Variants in PIEZO2 observed in about 807,000 individuals in gnomAD.
PIEZO2 encodes piezo type mechanosensitive ion channel component 2.
A neutral mutation model predicts 337.3 loss-of-function variants in PIEZO2; 172 were observed. The ratio of observed to expected loss-of-function variants is 0.51; its 90% confidence interval spans 0.45 to 0.58. The LOEUF (loss-of-function observed/expected upper bound fraction) is 0.58. PIEZO2 is among the 20% of genes least tolerant of loss of function. The probability of loss-of-function intolerance (pLI) is 0.00; values close to 1 mark genes in which losing one functional copy is unlikely to be tolerated. For synonymous variants in PIEZO2, 1,251 were observed against 1,228.5 expected (o/e 1.02, Z -0.38); for missense variants, 3,028 against 3,391.3 (o/e 0.89, Z 2.66).
intron 37 of PIEZO2, among the ~76,000 whole-genome samples, chr18:10,717,751 T>C (rs1448155855): frequency 1.3e-5 from 2 of 152,174 alleles, no homozygotes; most frequent in Non-Finnish European, 2.9e-5. Context: ...CTGAGCTTGG[T>C]TTTCCCCTCC....
At chr18:10,951,037 C>A (rs989795670) in intron 3 of PIEZO2, among the ~76,000 whole-genome samples, 1 of 152,140 alleles carries the variant, frequency 6.6e-6, no homozygotes, top group East Asian at 1.9e-4. Context: ...ACTCAGGGCA[C>A]ACAACATTGC....
Position 10,676,820 on chromosome 18 carries a change from G to A in PIEZO2, c.8081+927C>T, listed in dbSNP as rs2034027298. On this transcript the variant is annotated intron_variant, in intron 53 of 55. Coordinates refer to ENST00000674853, the MANE Select transcript of PIEZO2 (RefSeq NM_001378183.1). This position sits in a 1 kb window ranked among gnomAD's most constrained non-coding sequence, Gnocchi z 5.1. ...TGAAGTGGGTACCCACGATCGGGTGGCAGACATGAATGACAAGAGGCCTGA... is the reference window on the plus strand; with the variant it reads ...TGAAGTGGGTACCCACGATCGGGTGACAGACATGAATGACAAGAGGCCTGA... Among the ~76,000 whole-genome samples, 1 of 152,230 alleles carries A rather than the reference G, an allele frequency of 6.6e-6. No homozygotes were observed. The highest frequency in any genetic ancestry group is 2.4e-5 in the African/African-American group (1 of 41,460).
intron 2 of PIEZO2, among the ~76,000 whole-genome samples, chr18:11,007,866 G>C (rs1378146647): frequency 1.3e-5 from 2 of 152,136 alleles, no homozygotes; most frequent in African/African-American, 4.8e-5. Flanking sequence ...AATGCTAAAA[G>C]TTCTTCAGGA....
intron 1 of PIEZO2, among the ~76,000 whole-genome samples, chr18:11,139,717 A>C (rs1456081474): frequency 6.6e-6 from 1 of 152,214 alleles, no homozygotes; most frequent in African/African-American, 2.4e-5. Context: ...TAAAAATGTA[A>C]TCAGCAGTGT....
chr18:10,687,061 C>T (rs2034575992), intron 49 of PIEZO2, among the ~76,000 whole-genome samples: 1 of 152,160 alleles, frequency 6.6e-6, no homozygotes, highest in African/African-American at 2.4e-5. Flanking sequence ...CAAAGTATCA[C>T]GTGCCCCTCT....
chr18:11,041,635 A>AT (rs1598870419), intron 2 of PIEZO2, among the ~76,000 whole-genome samples: 1 of 152,126 alleles, frequency 6.6e-6, no homozygotes, highest in African/African-American at 2.4e-5. Context: ...TTTACACTAC[A>AT]TTTTTTCATC....
chr18:10,829,178 C>T (rs74746902), intron 7 of PIEZO2, among the ~76,000 whole-genome samples: 3 of 151,982 alleles, frequency 2.0e-5, no homozygotes, highest in African/African-American at 7.3e-5. Flanking sequence ...TGCTTATTTG[C>T]ATCACACAGA....
At position 10,736,390 on chromosome 18, in the gene PIEZO2, G is replaced by C. The variant is rs11080452; in HGVS notation, c.4815+214C>G. ...TCAGTGCCAGTGAATGAAAACCTGG[G>C]CTGTACATGGTTCTTGCTTGATACT... On this transcript the variant is annotated intron_variant, in intron 34 of 55. Coordinates refer to ENST00000674853, the MANE Select transcript of PIEZO2 (RefSeq NM_001378183.1). Among the ~76,000 whole-genome samples, 77,901 of 151,972 alleles carry C rather than the reference G, an allele frequency of 0.51. 19,977 individuals carry two copies. The highest frequency in any genetic ancestry group is 0.52 in the Non-Finnish European group (35,186 of 67,984).
Position 10,764,502 on chromosome 18 carries a change from G to A in PIEZO2, c.2947-1404C>T, listed in dbSNP as rs1006278157. 2.6e-5 allele frequency among the ~76,000 whole-genome samples: 4 copies of A among 151,746 alleles called. No homozygotes were observed. The East Asian group carries it at 5.8e-4, about 22-fold the overall frequency. Reference sequence around the variant, plus strand: ...TAAAAATACAAAAAATTAGCCGGGCGTGGTGGCAGGCTCCTGTAATCCCAG... The same window carrying A: ...TAAAAATACAAAAAATTAGCCGGGCATGGTGGCAGGCTCCTGTAATCCCAG... On this transcript the variant is annotated intron_variant, in intron 21 of 55. Transcript: ENST00000674853.
At position 11,128,249 on chromosome 18, in the gene PIEZO2, C is replaced by T. The variant is rs1296809682; in HGVS notation, c.64+20276G>A. 6.6e-6 allele frequency among the ~76,000 whole-genome samples: 1 copy of T among 152,150 alleles called. No homozygotes were observed. Among genetic ancestry groups the T allele is most frequent in the Non-Finnish European group, 1.5e-5 (1 of 68,034 alleles). On this transcript the variant is annotated intron_variant, in intron 1 of 55. Transcript: ENST00000674853. This position sits in a 1 kb window ranked among gnomAD's most constrained non-coding sequence, Gnocchi z 4.1. ...TGTCTCCAGGCTTCAGAAGCACATA[C>T]TGAGCCTCAAATCTGCTAAGATTGC...
chr18:10,884,026 T>C, intron 4 of PIEZO2, among the ~76,000 whole-genome samples: 1 of 152,110 alleles, frequency 6.6e-6, no homozygotes, highest in Non-Finnish European at 1.5e-5. Flanking sequence ...TTAGCCAGGA[T>C]GGTCTTGATC....
Position 11,077,082 on chromosome 18 carries a change from CA to C in PIEZO2, c.65-10861del, listed in dbSNP as rs1284218601. 6.6e-6 allele frequency among the ~76,000 whole-genome samples: 1 copy of C among 152,162 alleles called. No homozygotes were observed. Among genetic ancestry groups the C allele is most frequent in the African/African-American group, 2.4e-5 (1 of 41,428 alleles). On this transcript the variant is annotated intron_variant, in intron 1 of 55. Transcript: ENST00000674853. The surrounding 1 kb of genome is among the most constrained non-coding windows in gnomAD (Gnocchi z 4.8). ...GCTCATACATAATTTCTTAAACTAT[CA>C]GACAAATTATACTTGAAATTAGACC...
In PIEZO2 at chr18:11,069,651, A is replaced by G. The variant is rs1199911132; in HGVS notation, c.65-3429T>C. Among the ~76,000 whole-genome samples the G allele has an allele frequency of 6.6e-6, 1 of 152,222 alleles. No homozygotes were observed. The highest frequency in any genetic ancestry group is 1.5e-5 in the Non-Finnish European group (1 of 68,032). On this transcript the variant is annotated intron_variant, in intron 1 of 55. Transcript: ENST00000674853. This position sits in a 1 kb window ranked among gnomAD's most constrained non-coding sequence, Gnocchi z 4.9. The stretch of plus-strand genomic sequence containing the variant: ...TGCCTACTCTTGACACTTCCATTCA[A>G]TGTGGTACGGGAAGTCCTAGGCAGA...
Position 11,099,470 on chromosome 18 carries a change from TC to T in PIEZO2, c.65-33249del, listed in dbSNP as rs1308562719. ...TTAACATTTCAATTTATATCTTTAT[TC>T]TTTTTTTCTTTTTGAGACAGAGTCT... On this transcript the variant is annotated intron_variant, in intron 1 of 55. Coordinates refer to ENST00000674853, the MANE Select transcript of PIEZO2 (RefSeq NM_001378183.1). The surrounding 1 kb of genome is among the most constrained non-coding windows in gnomAD (Gnocchi z 5.4). Among the ~76,000 whole-genome samples the T allele has an allele frequency of 6.6e-6, 1 of 152,240 alleles. No individual in the cohort carries two copies. Among genetic ancestry groups the T allele is most frequent in the African/African-American group, 2.4e-5 (1 of 41,464 alleles).
intron 9 of PIEZO2, among the ~76,000 whole-genome samples, chr18:10,802,410 C>T (rs7227426): frequency 0.79 from 119,957 of 152,096 alleles, 47,340 homozygotes; most frequent in East Asian, 0.93. Context: ...TCTTAAAATA[C>T]TTATTTACTT....
At chr18:10,925,187 T>A (rs2031654690) in intron 3 of PIEZO2, among the ~76,000 whole-genome samples, 1 of 152,220 alleles carries the variant, frequency 6.6e-6, no homozygotes, top group African/African-American at 2.4e-5. Flanking sequence ...AATCTTACCA[T>A]GTGTCACACA....
rs541860987 is a variant in PIEZO2 at position 10,859,730 on chromosome 18, A to C, written c.493-2519T>G. Among the ~76,000 whole-genome samples the C allele has an allele frequency of 2.0e-5, 3 of 152,288 alleles. No homozygotes were observed. The highest frequency in any genetic ancestry group is 2.9e-5 in the Non-Finnish European group (2 of 68,030). ...TGCTTCCCTACCTAATTTCTCTTGA[A>C]CCTACTCAAATCAGACTTTGATCTT... On this transcript the variant is annotated intron_variant, in intron 5 of 55. Transcript: ENST00000674853. This position sits in a 1 kb window ranked among gnomAD's most constrained non-coding sequence, Gnocchi z 4.9.
intron 2 of PIEZO2, among the ~76,000 whole-genome samples, chr18:11,018,435 T>TGTGTGTAGA (rs2036200370): frequency 1.1e-5 from 1 of 92,842 alleles, no homozygotes; most frequent in Non-Finnish European, 2.2e-5. Flanking sequence ...GTGTGTGTGT[T>TGTGTGTAGA]GAAATAAAGG....
intron 2 of PIEZO2, among the ~76,000 whole-genome samples, chr18:11,022,583 A>G (rs1326855015): frequency 6.6e-6 from 1 of 151,986 alleles, no homozygotes; most frequent in Non-Finnish European, 1.5e-5. Flanking sequence ...CTCTTACAGG[A>G]CCCCAGTGCT....
Sources: gnomAD v4.1 joint callset for allele counts (sites outside exome capture counted in the v4.1 genomes callset) on GRCh38, gnomAD v4.1.1 for gene constraint, Gnocchi (gnomAD v3.1) non-coding constraint, MANE v1.5 for transcripts, NCBI Gene and HGNC (gene_info 2026-07-23, HGNC 2026-07-21) for gene names.